The following SMG6 variants were observed in gnomAD, a reference collection of about 807,000 sequenced individuals.
The protein encoded by SMG6 is SMG6 nonsense mediated mRNA decay factor.
In SMG6, 66 loss-of-function variants were observed where a neutral mutation model predicts 142.2. The observed-to-expected ratio is 0.46, with a 90% CI of 0.38 to 0.57. SMG6 has a LOEUF of 0.57. Ranked by LOEUF, SMG6 falls within the 20% of genes least tolerant of loss-of-function variation. SMG6 has a pLI of 0.00. For synonymous variants in SMG6, 779 were observed against 702.4 expected (o/e 1.11, Z -1.72); for missense variants, 1,793 against 1,832.0 (o/e 0.98, Z 0.39).
Position 2,065,984 on chromosome 17 carries a change from C to T in SMG6, c.3836-305G>A, listed in dbSNP as rs1376130943. 5 of 420,156 alleles carry T rather than the reference C, an allele frequency of 1.2e-5. No individual in the cohort carries two copies. The East Asian group carries it at 2.3e-4, about 20-fold the overall frequency. The allele number at this position is 420,156 out of a possible 1,614,324, so 26.0% of individuals were successfully genotyped here. On this transcript the variant is annotated intron_variant, in intron 16 of 18. Transcript: ENST00000263073. ...AGAAATCTGGTCCCTCTATTGCATTCCTTGGTTACAGGACTCACGTGAAAG... is the reference window on the plus strand; with the variant it reads ...AGAAATCTGGTCCCTCTATTGCATTTCTTGGTTACAGGACTCACGTGAAAG...
chr17:2,210,966 G>A (rs1299897676), intron 10 of SMG6, among the ~76,000 whole-genome samples: 1 of 151,948 alleles, frequency 6.6e-6, no homozygotes, highest in Non-Finnish European at 1.5e-5. Context: ...TCTTTCAAGA[G>A]CATTCCCAAG....
chr17:2,275,525 T>C (rs1052914254), intron 8 of SMG6, among the ~76,000 whole-genome samples: 11 of 152,236 alleles, frequency 7.2e-5, no homozygotes, highest in African/African-American at 2.7e-4. Context: ...TTACATTCTA[T>C]TCAAGATGCT....
rs2075209210 is a variant in SMG6 at position 2,299,057 on chromosome 17, G to A, written c.1696C>T (p.Pro566Ser). ...CSPLPTSTMSPEEVEQHMRNL... is the reference protein window; with the variant it reads ...CSPLPTSTMSSEEVEQHMRNL... ...CTCATGTGCTGCTCTACCTCCTCGG[G>A]ACTCATGGTGCTGGTAGGTAGAGGG... Residue 566 changes from proline to serine, a missense_variant, in exon 2 of 19, where the codon CCC (proline) becomes TCC (serine). Transcript: ENST00000263073. The surrounding 1 kb of genome is among the most constrained non-coding windows in gnomAD (Gnocchi z 4.3). 3.7e-6 allele frequency: 6 copies of A among 1,614,070 alleles called. No individual in the cohort carries two copies. In the African/African-American group the frequency reaches 5.3e-5, roughly 14 times the overall value.
chr17:2,272,123 G>A (rs1006173247), intron 8 of SMG6, among the ~76,000 whole-genome samples: 1 of 152,172 alleles, frequency 6.6e-6, no homozygotes. Flanking sequence ...CTAGAATGTG[G>A]CTCTGGCAGA....
intron 15 of SMG6, among the ~76,000 whole-genome samples, chr17:2,075,410 T>C (rs2068229808): frequency 6.6e-6 from 1 of 152,080 alleles, no homozygotes; most frequent in African/African-American, 2.4e-5. Context: ...AGGGAAACAA[T>C]AGATGTGGCC....
chr17:2,192,964 C>A (rs2151702560), intron 10 of SMG6, among the ~76,000 whole-genome samples: 1 of 152,328 alleles, frequency 6.6e-6, no homozygotes, highest in South Asian at 2.1e-4. Flanking sequence ...CACTAATACA[C>A]CCAAGCAAAT....
chr17:2,071,091 G>C lies in SMG6; in HGVS notation c.3682-2160C>G, dbSNP rs1597332337. Among the ~76,000 whole-genome samples, 1 of 152,208 alleles carries C rather than the reference G, an allele frequency of 6.6e-6. No individual in the cohort carries two copies. The highest frequency in any genetic ancestry group is 2.4e-5 in the African/African-American group (1 of 41,448). ...GGTGAGCAGGGACAGAACAAGCATG[G>C]CTTAGGGAGACGTGGGAGCAGTGGC... On this transcript the variant is annotated intron_variant, in intron 15 of 18. Coordinates refer to ENST00000263073, the MANE Select transcript of SMG6 (RefSeq NM_017575.5). The surrounding 1 kb of genome is among the most constrained non-coding windows in gnomAD (Gnocchi z 5.6).
At chr17:2,092,235 C>T (rs2068746741) in intron 13 of SMG6, among the ~76,000 whole-genome samples, 1 of 152,078 alleles carries the variant, frequency 6.6e-6, no homozygotes, top group Non-Finnish European at 1.5e-5. Flanking sequence ...ATCCACCGCG[C>T]CCGGCCTTTC....
At chr17:2,199,535 TG>T (rs2072445759) in intron 10 of SMG6, among the ~76,000 whole-genome samples, 1 of 150,964 alleles carries the variant, frequency 6.6e-6, no homozygotes, top group South Asian at 2.1e-4. Context: ...ACCAAGACCC[TG>T]TCTCAAAAAA....
intron 13 of SMG6, among the ~76,000 whole-genome samples, chr17:2,092,951 T>C (rs1479077450): frequency 1.3e-5 from 2 of 152,126 alleles, no homozygotes; most frequent in Non-Finnish European, 2.9e-5. Context: ...ATCGCAGCAC[T>C]TGGGGAGGCT....
At chr17:2,252,450 G>T (rs1042617380) in intron 8 of SMG6, among the ~76,000 whole-genome samples, 1 of 152,074 alleles carries the variant, frequency 6.6e-6, no homozygotes, top group African/African-American at 2.4e-5. Context: ...TCAGTATTTT[G>T]TATTTACTGC....
chr17:2,231,426 A>C (rs1372831348), intron 10 of SMG6, among the ~76,000 whole-genome samples: 1 of 152,168 alleles, frequency 6.6e-6, no homozygotes, highest in Non-Finnish European at 1.5e-5. Flanking sequence ...GGCTGGGTGC[A>C]GTGGCTCATG....
At chr17:2,062,691 T>G (rs2067817611) in intron 18 of SMG6, 1 of 152,218 alleles carries the variant, frequency 6.6e-6, no homozygotes, top group Admixed American at 6.5e-5. Context: ...GAGGTCCAGG[T>G]CCGGCAGACA....
intron 13 of SMG6, among the ~76,000 whole-genome samples, chr17:2,091,688 TGA>T (rs754899262): frequency 2.2e-4 from 28 of 125,964 alleles, no homozygotes; most frequent in Non-Finnish European, 2.2e-4. Flanking sequence ...TTTTTTTTTT[TGA>T]GAGAGAGTCT....
intron 13 of SMG6, among the ~76,000 whole-genome samples, chr17:2,162,258 A>G (rs1425536548): frequency 6.6e-6 from 1 of 152,060 alleles, no homozygotes; most frequent in African/African-American, 2.4e-5. Flanking sequence ...CACGCCTGTA[A>G]TCCCAGCACT....
chr17:2,153,625 TG>T (rs1352140141), intron 13 of SMG6, among the ~76,000 whole-genome samples: 1 of 149,648 alleles, frequency 6.7e-6, no homozygotes, highest in Non-Finnish European at 1.5e-5. Context: ...CTGGGGAACC[TG>T]GGGATGCATG....
intron 13 of SMG6, among the ~76,000 whole-genome samples, chr17:2,148,688 G>GT (rs2070740249): frequency 6.6e-6 from 1 of 151,964 alleles, no homozygotes; most frequent in African/African-American, 2.4e-5. Flanking sequence ...CCAAGACTCC[G>GT]TCTCTACTAA....
chr17:2,221,593 C>A (rs1237025646), intron 10 of SMG6, among the ~76,000 whole-genome samples: 3 of 152,136 alleles, frequency 2.0e-5, no homozygotes, highest in Non-Finnish European at 4.4e-5. Flanking sequence ...ACTTTAATGC[C>A]AGATGTAAAA....
At chr17:2,208,754 T>G (rs970787998) in intron 10 of SMG6, among the ~76,000 whole-genome samples, 1 of 152,170 alleles carries the variant, frequency 6.6e-6, no homozygotes, top group Non-Finnish European at 1.5e-5. Flanking sequence ...CTTAAGAAGT[T>G]TAAAGAGGCA....
Sources: gnomAD v4.1 joint callset for allele counts (sites outside exome capture counted in the v4.1 genomes callset) on GRCh38, gnomAD v4.1.1 for gene constraint, Gnocchi (gnomAD v3.1) non-coding constraint, MANE v1.5 for transcripts, NCBI Gene and HGNC (gene_info 2026-07-23, HGNC 2026-07-21) for gene names.